TNC: variants seen among roughly 807,000 people sequenced by gnomAD.
TNC encodes the protein tenascin.
A neutral mutation model predicts 202.4 loss-of-function variants in TNC; 109 were observed. That is an observed-to-expected ratio of 0.54 (90% CI 0.46 to 0.63). The LOEUF is 0.63. Ranked by LOEUF, TNC falls within the 30% of genes least tolerant of loss-of-function variation. The pLI is 0.00. For synonymous variants in TNC, 1,007 were observed against 1,089.7 expected (o/e 0.92, Z 1.50); for missense variants, 2,756 against 2,833.3 (o/e 0.97, Z 0.62).
At chr9:115,035,075 T>C (rs558528319) in intron 22 of TNC, 129 bp downstream of exon 22, 14 of 958,860 alleles carry the variant, frequency 1.5e-5, no homozygotes, top group Non-Finnish European at 1.5e-5. Context: ...ATCCAGTCTC[T>C]ACTAATTTTT....
Position 115,076,517 on chromosome 9 carries a change from C to T in TNC, c.2733G>A (p.Leu911=), listed in dbSNP as rs867334860. ...TAGCTGCCTTGCCATTCCTCCATTCCAGGGTGATGCTGTTATCTGTCTGGG... is the reference window on the plus strand; with the variant it reads ...TAGCTGCCTTGCCATTCCTCCATTCTAGGGTGATGCTGTTATCTGTCTGGG... ...RVSQTDNSIT[L]EWRNGKAAID... The change falls in exon 8 of 28, where the codon CTG becomes CTA. Residue 911 remains leucine, a synonymous_variant. Coordinates refer to ENST00000350763, the MANE Select transcript of TNC (RefSeq NM_002160.4). 6.2e-7 allele frequency: 1 copy of T among 1,614,196 alleles called. No individual in the cohort carries two copies. The highest frequency in any genetic ancestry group is 8.5e-7 in the Non-Finnish European group (1 of 1,180,038).
intron 25 of TNC, among the ~76,000 whole-genome samples, chr9:115,026,959 A>C (rs2131566737): frequency 6.6e-6 from 1 of 151,906 alleles, no homozygotes; most frequent in Middle Eastern, 3.4e-3. Flanking sequence ...AAATACAAAA[A>C]TTAGCTGGGT....
In TNC at chr9:115,086,798, A is replaced by G. The variant is rs1349957137; in HGVS notation, c.933T>C (p.Ser311=). Residue 311 remains serine (S), a synonymous_variant, in exon 3 of 28, where the codon AGT becomes AGC. Coordinates refer to ENST00000350763, the MANE Select transcript of TNC (RefSeq NM_002160.4). ...CDEGFTGEDC[S]ELICPNDCFD... The stretch of plus-strand genomic sequence containing the variant: ...AGCAGTCATTGGGGCAGATGAGCTC[A>G]CTGCAGTCTTCGCCCGTGAAACCCT... The G allele has an allele frequency of 1.9e-6, 3 of 1,613,820 alleles. No homozygotes were observed. The Admixed American group carries it at 5.0e-5, about 27-fold the overall frequency.
intron 1 of TNC, among the ~76,000 whole-genome samples, chr9:115,097,668 G>A (rs76943310): frequency 6.6e-6 from 1 of 152,146 alleles, no homozygotes; most frequent in Non-Finnish European, 1.5e-5. Context: ...ATGAGAAAAG[G>A]CAAAGAAGTT....
Position 115,086,500 on chromosome 9 carries a change from C to T in TNC, c.1231G>A (p.Gly411Ser). The T allele has an allele frequency of 6.2e-7, 1 of 1,613,878 alleles. No individual in the cohort carries two copies. Among genetic ancestry groups the T allele is most frequent in the Non-Finnish European group, 8.5e-7 (1 of 1,180,018 alleles). Residue 411 changes from glycine to serine, a missense_variant, in exon 3 of 28, where the codon GGC becomes AGC. Transcript: ENST00000350763. Reference protein sequence around the residue: ...ADCGELKCPNGCSGHGRCVNG... With the variant: ...ADCGELKCPNSCSGHGRCVNG... ...ACACAGCGGCCATGGCCACTGCAGC[C>T]ATTGGGACACTTGAGCTCCCCACAG...
intron 23 of TNC, 110 bp from the exon 24 acceptor site, chr9:115,030,515 A>G: frequency 8.1e-7 from 1 of 1,237,088 alleles, no homozygotes; most frequent in Non-Finnish European, 1.1e-6. Flanking sequence ...TCCAGGTGCA[A>G]TAATGTGATG....
intron 21 of TNC, 187 bp from the exon 22 acceptor site, chr9:115,035,521 G>T: frequency 1.8e-6 from 1 of 570,888 alleles, no homozygotes; most frequent in Non-Finnish European, 3.0e-6. Context: ...AATTCTCTAT[G>T]GTTTATCTCA....
intron 15 of TNC, among the ~76,000 whole-genome samples, chr9:115,053,869 T>C (rs1376504395): frequency 1.3e-5 from 2 of 152,214 alleles, no homozygotes; most frequent in Non-Finnish European, 2.9e-5. Flanking sequence ...AATTTTCTGC[T>C]TAGGAAACTC....
At chr9:115,052,314 A>T (rs1831750097) in intron 15 of TNC, among the ~76,000 whole-genome samples, 1 of 151,942 alleles carries the variant, frequency 6.6e-6, no homozygotes, top group South Asian at 2.1e-4. Flanking sequence ...TGGGGAGATG[A>T]AGAAAGGGGA....
chr9:115,105,858 T>G (rs899064422), intron 1 of TNC, among the ~76,000 whole-genome samples: 4 of 152,196 alleles, frequency 2.6e-5, no homozygotes, highest in Admixed American at 1.3e-4. Flanking sequence ...CTTCAGGTTT[T>G]TCCAGGGTGT....
intron 1 of TNC, among the ~76,000 whole-genome samples, chr9:115,108,310 G>T (rs1361098166): frequency 6.6e-6 from 1 of 152,160 alleles, no homozygotes; most frequent in African/African-American, 2.4e-5. Flanking sequence ...CTATGGTCAG[G>T]TATGTTTGGA....
At chr9:115,052,240 G>A (rs1383700191) in intron 15 of TNC, among the ~76,000 whole-genome samples, 1 of 151,958 alleles carries the variant, frequency 6.6e-6, no homozygotes, top group Non-Finnish European at 1.5e-5. Context: ...TCTCATTTGT[G>A]TAATCTAAGA....
intron 15 of TNC, among the ~76,000 whole-genome samples, chr9:115,053,531 T>C (rs1383098930): frequency 6.6e-6 from 1 of 152,244 alleles, no homozygotes; most frequent in Non-Finnish European, 1.5e-5. Flanking sequence ...ACCTGTTTAA[T>C]TTTGTTTGGC....
At chr9:115,029,181 A>G (rs1829761897) in intron 25 of TNC, among the ~76,000 whole-genome samples, 179 bp downstream of exon 25, 1 of 151,794 alleles carries the variant, frequency 6.6e-6, no homozygotes, top group African/African-American at 2.4e-5. Context: ...TTACATTTTG[A>G]TGATTCAGAG....
At chr9:115,101,937 C>G (rs1326008053) in intron 1 of TNC, among the ~76,000 whole-genome samples, 1 of 152,166 alleles carries the variant, frequency 6.6e-6, no homozygotes, top group Non-Finnish European at 1.5e-5. Context: ...AAGTTGACAT[C>G]ATCATCATCA....
At position 115,073,603 on chromosome 9, in the gene TNC, C is replaced by A; in HGVS notation, c.3214G>T (p.Glu1072Ter). 1 of 1,612,344 alleles carries A rather than the reference C, an allele frequency of 6.2e-7. No homozygotes were observed. The highest frequency in any genetic ancestry group is 8.5e-7 in the Non-Finnish European group (1 of 1,178,606). Residue 1072 changes from glutamate (E) to a stop codon, truncating the protein, a stop_gained and splice_region_variant, in exon 10 of 28, where the codon GAA becomes TAA. Coordinates refer to ENST00000350763, the MANE Select transcript of TNC (RefSeq NM_002160.4). LOFTEE classifies it high-confidence loss of function. ...SKPARVKASTEQAPELENLTV... is the reference protein window; with the variant it reads ...SKPARVKAST The stretch of plus-strand genomic sequence containing the variant: ...TGGAGGAAGCTCAGGGCAGACTCAC[C>A]AGTGGATGCCTTCACACGTGCGGGC...
Position 115,064,655 on chromosome 9 carries a change from G to C in TNC, c.3479C>G (p.Ala1160Gly), listed in dbSNP as rs1446748112. Reference protein sequence around the residue: ...GYRTPVLSAEASTGETPNLGE... With the variant: ...GYRTPVLSAEGSTGETPNLGE... ...AGAAAGGAAAGAGATACCTGTGGAG[G>C]CCTCAGCAGAGAGCACTGGTGTTCT... The change falls in exon 11 of 28, where the codon GCC (alanine) becomes GGC (glycine). Residue 1160 changes from alanine to glycine, a missense_variant. By Grantham distance (60) the Ala-to-Gly change is moderately conservative. Around this residue, in one of 2 missense-constraint regions of TNC, gnomAD observed 2,559 missense variants for 2,546.0 expected, o/e 1.01. Transcript: ENST00000350763. The C allele has an allele frequency of 6.2e-7, 1 of 1,603,322 alleles. No individual in the cohort carries two copies. The highest frequency in any genetic ancestry group is 2.2e-5 in the East Asian group (1 of 44,568).
chr9:115,103,920 A>G (rs1182570131), intron 1 of TNC, among the ~76,000 whole-genome samples: 3 of 152,212 alleles, frequency 2.0e-5, no homozygotes, highest in African/African-American at 7.2e-5. Context: ...TGAGATTCAT[A>G]TTTGTGGTTT....
At chr9:115,051,320 CT>C (rs1174549660) in intron 15 of TNC, among the ~76,000 whole-genome samples, 1 of 152,022 alleles carries the variant, frequency 6.6e-6, no homozygotes, top group Non-Finnish European at 1.5e-5. Flanking sequence ...CCGATCACAT[CT>C]AAAAAAACCA....
Sources: gnomAD v4.1 joint callset for allele counts (sites outside exome capture counted in the v4.1 genomes callset) on GRCh38, gnomAD v4.1.1 for gene constraint, gnomAD v4.1.1 regional missense constraint, MANE v1.5 for transcripts, NCBI Gene and HGNC (gene_info 2026-07-23, HGNC 2026-07-21) for gene names.